CYP46A1: variants seen among roughly 807,000 people sequenced by gnomAD.
CYP46A1 encodes cytochrome P450 family 46 subfamily A member 1.
CYP46A1 carries 20 observed loss-of-function variants against 63.3 expected under a neutral mutation model. That is an observed-to-expected ratio of 0.32 (90% CI 0.22 to 0.46). CYP46A1 has a LOEUF of 0.46. CYP46A1 is among the 20% of genes least tolerant of loss of function. The pLI, the probability that CYP46A1 is intolerant of heterozygous loss-of-function variation, is 1.00. For missense variants in CYP46A1, 445 were observed against 670.8 expected (o/e 0.66, Z 3.72); for synonymous variants, 268 against 273.6 (o/e 0.98, Z 0.20).
rs376076258 is a variant in CYP46A1 at position 99,702,717 on chromosome 14, A to G, written c.443+2616A>G. On this transcript the variant is annotated intron_variant, in intron 5 of 14. Coordinates refer to ENST00000261835, the MANE Select transcript of CYP46A1 (RefSeq NM_006668.2). ...ATACATATATTTATATTTTTTATAT[A>G]GTACATATTTTAAAAAACCATTTAA... Among the ~76,000 whole-genome samples, 19 of 152,178 alleles carry G rather than the reference A, an allele frequency of 1.2e-4. 2 individuals carry two copies. The East Asian group carries it at 2.9e-3, about 23-fold the overall frequency.
At chr14:99,704,971 C>A (rs1052045651) in intron 5 of CYP46A1, among the ~76,000 whole-genome samples, 2 of 152,156 alleles carry the variant, frequency 1.3e-5, no homozygotes, top group African/African-American at 2.4e-5. Flanking sequence ...AGCCAAAAGG[C>A]CCCTGGAACA....
At position 99,725,296 on chromosome 14, in the gene CYP46A1, C is replaced by G. The variant is rs1307218528; in HGVS notation, c.1177-95C>G. The G allele has an allele frequency of 1.1e-6, 1 of 930,694 alleles. No individual in the cohort carries two copies. The allele number at this position is 930,694 out of a possible 1,614,324, so 57.7% of individuals were successfully genotyped here. A position where few individuals can be genotyped will look rare whatever the true frequency, so the allele number is the denominator to read the frequency against. ...TGGGGGGAGGAGAGTGGGACCCACT[C>G]TGCTCTGAGTAGCCCTGTTGGGTGG... On this transcript the variant is annotated intron_variant, in intron 12 of 14. Coordinates refer to ENST00000261835, the MANE Select transcript of CYP46A1 (RefSeq NM_006668.2). The surrounding 1 kb of genome is among the most constrained non-coding windows in gnomAD (Gnocchi z 4.2).
chr14:99,716,610 A>T (rs1231504708), intron 9 of CYP46A1, among the ~76,000 whole-genome samples: 1 of 152,232 alleles, frequency 6.6e-6, no homozygotes, highest in African/African-American at 2.4e-5. Flanking sequence ...GAGCCCTCGC[A>T]TGCCTCCTCC....
intron 6 of CYP46A1, 67 bp from the exon 7 acceptor site, chr14:99,707,501 A>AGGTTTGCCCTGGATCTGCTGCCC: frequency 7.6e-7 from 1 of 1,312,342 alleles, no homozygotes; most frequent in South Asian, 1.2e-5. Flanking sequence ...GAATGATGCC[A>AGGTTTGCCCTGGATCTGCTGCCC]GGCTTTGCCC....
chr14:99,691,822 C>G lies in CYP46A1; in HGVS notation c.243C>G (p.His81Gln), dbSNP rs758126503. ...YGPVVRVNVFHKTSVIVTSPE... is the reference protein window; with the variant it reads ...YGPVVRVNVFQKTSVIVTSPE... ...CTGTTGTGCGGGTCAACGTCTTCCA[C>G]AAAACCTCAGTCATCGTCACGAGTC... is the stretch of plus-strand genomic sequence containing the variant. The change falls in exon 3 of 15, where the codon CAC becomes CAG. Residue 81 changes from histidine to glutamine, a missense_variant. Transcript: ENST00000261835. 6.2e-7 allele frequency: 1 copy of G among 1,614,204 alleles called. No individual in the cohort carries two copies. Among genetic ancestry groups the G allele is most frequent in the Non-Finnish European group, 8.5e-7 (1 of 1,180,040 alleles).
chr14:99,715,050 A>G (rs961729331), intron 7 of CYP46A1, among the ~76,000 whole-genome samples: 2 of 152,198 alleles, frequency 1.3e-5, no homozygotes, highest in Admixed American at 1.3e-4. Flanking sequence ...ACAAACATAC[A>G]GTTATGTAGA....
chr14:99,706,607 G>A, intron 5 of CYP46A1, 40 bp from the exon 6 acceptor site: 1 of 1,609,766 alleles, frequency 6.2e-7, no homozygotes, highest in South Asian at 1.1e-5. Context: ...CACCATATTG[G>A]GCTGGCCAGT....
At chr14:99,716,634 G>C (rs138063200) in intron 9 of CYP46A1, among the ~76,000 whole-genome samples, 1 of 152,344 alleles carries the variant, frequency 6.6e-6, no homozygotes, top group African/African-American at 2.4e-5. Context: ...GGGAAGCACA[G>C]GCTGCCTCAG....
At chr14:99,719,671 T>C (rs901714001) in intron 10 of CYP46A1, among the ~76,000 whole-genome samples, 7 of 152,174 alleles carry the variant, frequency 4.6e-5, no homozygotes, top group African/African-American at 1.7e-4. Flanking sequence ...ATTTGTCTTT[T>C]TTGTGACTGG....
intron 2 of CYP46A1, 125 bp downstream of exon 2, chr14:99,691,286 C>A (rs888835582): frequency 4.3e-6 from 4 of 925,236 alleles, no homozygotes; most frequent in African/African-American, 1.6e-5. Flanking sequence ...CCAGCCCCAG[C>A]AGTTCCTCCC....
rs184728407 is a variant in CYP46A1, at chr14:99,700,313, C to T, written c.443+212C>T. Among the ~76,000 whole-genome samples the T allele has an allele frequency of 3.1e-3, 466 of 152,250 alleles. 3 individuals are homozygous for T. Among genetic ancestry groups the T allele is most frequent in the African/African-American group, 0.011 (450 of 41,552 alleles). On this transcript the variant is annotated intron_variant, in intron 5 of 14. Coordinates refer to ENST00000261835, the MANE Select transcript of CYP46A1 (RefSeq NM_006668.2). ...ACCAAGTGGGGATGAATGAGGCCCC[C>T]ACGCAGTTTGGGAACATCAAGGGCT...
At chr14:99,724,023 C>G (rs2056872291) in intron 12 of CYP46A1, among the ~76,000 whole-genome samples, 1 of 152,176 alleles carries the variant, frequency 6.6e-6, no homozygotes, top group Non-Finnish European at 1.5e-5. Flanking sequence ...GGGCTCACTC[C>G]TTGGTGTGCA....
Position 99,711,358 on chromosome 14 carries a change from G to A in CYP46A1, c.693+3680G>A, listed in dbSNP as rs1170654049. The A allele has an allele frequency of 2.7e-5, 4 of 150,860 alleles. 1 individual carries two copies. In the South Asian group the frequency reaches 6.3e-4, roughly 24 times the overall value. The allele number at this position is 150,860 out of a possible 1,614,324, so 9.3% of individuals were successfully genotyped here. On this transcript the variant is annotated intron_variant, in intron 7 of 14. Coordinates refer to ENST00000261835, the MANE Select transcript of CYP46A1 (RefSeq NM_006668.2). ...AAGTACAAAGACCAATGAAGTGAAA[G>A]GTTGATTTTTGGAAAAGATAAAATC...
chr14:99,706,910 T>G, intron 6 of CYP46A1, 125 bp downstream of exon 6: 1 of 1,207,278 alleles, frequency 8.3e-7, no homozygotes, highest in South Asian at 1.6e-5. Flanking sequence ...AATTCCTCTG[T>G]GCTTCATATA....
At chr14:99,695,381 A>C (rs2056578548) in intron 3 of CYP46A1, 1 of 393,874 alleles carries the variant, frequency 2.5e-6, no homozygotes, top group South Asian at 1.9e-5. Flanking sequence ...GTTGCAGGGC[A>C]AGGAATGTTG....
At chr14:99,704,526 G>A (rs770994338) in intron 5 of CYP46A1, among the ~76,000 whole-genome samples, 1 of 152,112 alleles carries the variant, frequency 6.6e-6, no homozygotes. Flanking sequence ...CCAGATTTTG[G>A]TTTTATGGGA....
intron 12 of CYP46A1, chr14:99,723,016 C>A (rs2056863139): frequency 2.5e-6 from 1 of 405,706 alleles, no homozygotes; most frequent in Non-Finnish European, 5.2e-6. Context: ...AACTTGGATG[C>A]CCAGTAGTGG....
At chr14:99,715,154 C>T in intron 7 of CYP46A1, among the ~76,000 whole-genome samples, 1 of 152,072 alleles carries the variant, frequency 6.6e-6, no homozygotes, top group East Asian at 1.9e-4. Context: ...GAAATGTTTC[C>T]AACACAAATG....
At chr14:99,693,922 A>G (rs926610907) in intron 3 of CYP46A1, among the ~76,000 whole-genome samples, 2 of 152,136 alleles carry the variant, frequency 1.3e-5, no homozygotes, top group African/African-American at 4.8e-5. Flanking sequence ...ACCACCATCC[A>G]TCTCCAGAAC....
Sources: allele counts gnomAD v4.1 joint callset (sites outside exome capture counted in the v4.1 genomes callset), GRCh38; gene constraint gnomAD v4.1.1; non-coding constraint Gnocchi (gnomAD v3.1); transcripts MANE v1.5; gene names NCBI Gene and HGNC (gene_info 2026-07-23, HGNC 2026-07-21).